Variants in RNF43 observed in about 807,000 individuals in gnomAD.
RNF43 encodes the protein E3 ubiquitin-protein ligase RNF43.
RNF43 carries 37 observed loss-of-function variants against 78.4 expected under a neutral mutation model. The observed-to-expected ratio is 0.47, with a 90% confidence interval of 0.36 to 0.62. RNF43 has a LOEUF of 0.62. Among genes scored for constraint, RNF43 ranks in the 20% least tolerant of loss-of-function variants. The probability of loss-of-function intolerance (pLI) is 0.00; values close to 1 mark genes in which losing one functional copy is unlikely to be tolerated. For missense variants in RNF43, 774 were observed against 1,007.9 expected (o/e 0.77, Z 3.14); for synonymous variants, 347 against 395.0 (o/e 0.88, Z 1.44).
chr17:58,411,001 C>T (rs185733916), intron 2 of RNF43, among the ~76,000 whole-genome samples: 2 of 152,250 alleles, frequency 1.3e-5, no homozygotes, highest in East Asian at 1.9e-4. Context: ...GTTCCAGCAA[C>T]ACCACTTACT....
intron 2 of RNF43, among the ~76,000 whole-genome samples, chr17:58,406,623 C>A (rs1423755656): frequency 6.6e-6 from 1 of 151,902 alleles, no homozygotes; most frequent in African/African-American, 2.4e-5. Context: ...CAATATAATT[C>A]CAGGTAGAAG....
At chr17:58,364,693 C>G (rs1022205464) in intron 3 of RNF43, among the ~76,000 whole-genome samples, 1 of 152,220 alleles carries the variant, frequency 6.6e-6, no homozygotes, top group African/African-American at 2.4e-5. Flanking sequence ...CACCGCCCCC[C>G]CTCACCCCCA....
At position 58,354,869 on chromosome 17, in the gene RNF43, G is replaced by T; in HGVS notation, c.*74C>A. 7.5e-7 allele frequency: 1 copy of T among 1,332,334 alleles called. No homozygotes were observed. The highest frequency in any genetic ancestry group is 1.2e-5 in the South Asian group (1 of 84,732). 82.5% of individuals were successfully genotyped at this position (1,332,334 alleles called of 1,614,324 possible). A position where few individuals can be genotyped will look rare whatever the true frequency, so the allele number is the denominator to read the frequency against. ...TTGCTGTGGTCCTTTCCTTTCCCAG[G>T]AGCAGGACTCTGTGCCAGGTAGGGC... On this transcript the variant is annotated 3_prime_UTR_variant, in exon 10 of 10. Coordinates refer to ENST00000407977, the MANE Select transcript of RNF43 (RefSeq NM_017763.6).
chr17:58,381,703 C>T (rs1291840905), intron 2 of RNF43, among the ~76,000 whole-genome samples: 1 of 152,128 alleles, frequency 6.6e-6, no homozygotes, highest in Non-Finnish European at 1.5e-5. Flanking sequence ...ATCTCTTGCG[C>T]TCCTAGGAAC....
chr17:58,378,585 C>T (rs1329456910), intron 2 of RNF43, among the ~76,000 whole-genome samples: 1 of 152,066 alleles, frequency 6.6e-6, no homozygotes, highest in Non-Finnish European at 1.5e-5. Flanking sequence ...TGTATTCCTG[C>T]TTCATCGTAT....
chr17:58,397,035 G>A (rs1456820258), intron 2 of RNF43, among the ~76,000 whole-genome samples: 31 of 130,898 alleles, frequency 2.4e-4, no homozygotes, highest in African/African-American at 6.9e-4. Flanking sequence ...TGACAGCTAA[G>A]CTTAGAAATA....
rs985543829 is a variant in RNF43 at position 58,415,455 on chromosome 17, T to C, written c.123A>G (p.Ser41=). The C allele has an allele frequency of 1.9e-6, 3 of 1,614,214 alleles. No homozygotes were observed. Among genetic ancestry groups the C allele is most frequent in the Non-Finnish European group, 2.5e-6 (3 of 1,180,038 alleles). The change falls in exon 2 of 10, where the codon TCA becomes TCG. Residue 41 remains serine (S), a synonymous_variant. Coordinates refer to ENST00000407977, the MANE Select transcript of RNF43 (RefSeq NM_017763.6). ...VLAAAVESER[S]AEQKAIIRVI... ...CTCTGATAATAGCTTTCTGTTCTGC[T>C]GATCTTTCAGACTCCACCGCTGCTG...
At chr17:58,373,775 C>G (rs1973148764) in intron 2 of RNF43, among the ~76,000 whole-genome samples, 1 of 151,602 alleles carries the variant, frequency 6.6e-6, no homozygotes, top group Non-Finnish European at 1.5e-5. Flanking sequence ...TTCATTTTAA[C>G]TTTTTTTTTA....
intron 3 of RNF43, among the ~76,000 whole-genome samples, chr17:58,367,769 G>T (rs1972987857): frequency 6.6e-6 from 1 of 152,128 alleles, no homozygotes; most frequent in Non-Finnish European, 1.5e-5. Flanking sequence ...TATGGTGAGG[G>T]TTTCAGAAAA....
chr17:58,375,496 T>C (rs1313440599), intron 2 of RNF43, among the ~76,000 whole-genome samples: 1 of 152,234 alleles, frequency 6.6e-6, no homozygotes, highest in Non-Finnish European at 1.5e-5. Flanking sequence ...CTTACTTCCC[T>C]CTCTTCTCCA....
At chr17:58,363,173 G>T (rs2143464540) in intron 5 of RNF43, 102 bp downstream of exon 5, 1 of 1,422,466 alleles carries the variant, frequency 7.0e-7, no homozygotes, top group Non-Finnish European at 9.5e-7. Flanking sequence ...GGGTTTCCAG[G>T]ATCTCTCGCA....
intron 2 of RNF43, among the ~76,000 whole-genome samples, chr17:58,404,883 CAG>C (rs1973872567): frequency 6.6e-6 from 1 of 150,624 alleles, no homozygotes; most frequent in African/African-American, 2.4e-5. Flanking sequence ...TAAAATTTAA[CAG>C]GGACTGATTG....
intron 3 of RNF43, among the ~76,000 whole-genome samples, chr17:58,370,070 T>G (rs1371562303): frequency 1.0e-5 from 1 of 99,956 alleles, no homozygotes; most frequent in Non-Finnish European, 2.2e-5. Context: ...GTTTTTTTTT[T>G]TTTTTTTTTT....
intron 2 of RNF43, among the ~76,000 whole-genome samples, chr17:58,386,282 C>T (rs578120687): frequency 4.6e-5 from 7 of 151,972 alleles, no homozygotes; most frequent in South Asian, 4.2e-4. Flanking sequence ...AAAAATTAGC[C>T]GGGCTTGGTG....
At chr17:58,400,373 C>T (rs1308553615) in intron 2 of RNF43, among the ~76,000 whole-genome samples, 5 of 152,246 alleles carry the variant, frequency 3.3e-5, no homozygotes, top group Admixed American at 6.5e-5. Context: ...CCAAATTGAA[C>T]GCAAATAGGT....
At chr17:58,359,440 C>CAA (rs1162284909) in intron 8 of RNF43, among the ~76,000 whole-genome samples, 1 of 133,504 alleles carries the variant, frequency 7.5e-6, no homozygotes. Flanking sequence ...ACTAAAAGTC[C>CAA]AAAAAAAAAA....
At chr17:58,379,104 T>C (rs1173411634) in intron 2 of RNF43, among the ~76,000 whole-genome samples, 2 of 151,994 alleles carry the variant, frequency 1.3e-5, no homozygotes, top group African/African-American at 4.8e-5. Context: ...GAGGTTGAGG[T>C]CCCCTAAATT....
At position 58,360,134 on chromosome 17, in the gene RNF43, T is replaced by C. The variant is rs1280281840; in HGVS notation, c.952+15A>G. 2.5e-6 allele frequency: 4 copies of C among 1,601,990 alleles called. No homozygotes were observed. The East Asian group carries it at 6.7e-5, about 27-fold the overall frequency. On this transcript the variant is annotated intron_variant, in intron 8 of 9. Coordinates refer to ENST00000407977, the MANE Select transcript of RNF43 (RefSeq NM_017763.6). The surrounding 1 kb of genome is among the most constrained non-coding windows in gnomAD (Gnocchi z 4.3). ...GTCTGCCTACACAGAGGGGAGTCCT[T>C]GGCCCACCTCCTACCTGTGATGTTG...
chr17:58,403,526 T>G (rs1040489433), intron 2 of RNF43, among the ~76,000 whole-genome samples: 3 of 152,192 alleles, frequency 2.0e-5, no homozygotes, highest in Non-Finnish European at 4.4e-5. Context: ...CTGTACAAGT[T>G]GCCTCTGCTG....
Sources: gnomAD v4.1 joint callset for allele counts (sites outside exome capture counted in the v4.1 genomes callset) on GRCh38, gnomAD v4.1.1 for gene constraint, Gnocchi (gnomAD v3.1) non-coding constraint, MANE v1.5 for transcripts, NCBI Gene and HGNC (gene_info 2026-07-23, HGNC 2026-07-21) for gene names.